Variants in MVB12B observed in about 807,000 individuals in gnomAD.
MVB12B encodes the protein multivesicular body subunit 12B, also known as ESCRT-I complex subunit MVB12B.
Under a neutral mutation model 41.6 loss-of-function variants are expected in MVB12B, and 16 were observed. That is an observed-to-expected ratio of 0.38 (90% CI 0.26 to 0.58). The LOEUF (loss-of-function observed/expected upper bound fraction) is 0.58, where lower values mean the gene tolerates loss of function less well. Among genes scored for constraint, MVB12B ranks in the 20% least tolerant of loss-of-function variants. The pLI is 0.62. For missense variants in MVB12B, 274 were observed against 380.2 expected, an observed-to-expected ratio of 0.72 and a Z score of 2.32; for synonymous variants, 133 against 139.7, an observed-to-expected ratio of 0.95 and a Z score of 0.34.
At chr9:126,334,524 C>G (rs375835987) in intron 1 of MVB12B, among the ~76,000 whole-genome samples, 6 of 152,234 alleles carry the variant, frequency 3.9e-5, no homozygotes, top group Non-Finnish European at 8.8e-5. Context: ...ATATTAGTAT[C>G]TTTACTGTAT....
chr9:126,462,204 A>G (rs1244764293), intron 7 of MVB12B, among the ~76,000 whole-genome samples: 1 of 152,250 alleles, frequency 6.6e-6, no homozygotes, highest in African/African-American at 2.4e-5. Flanking sequence ...TTGAACCACA[A>G]TGACATACAC....
At chr9:126,345,738 T>C (rs1829568998) in intron 2 of MVB12B, among the ~76,000 whole-genome samples, 1 of 152,228 alleles carries the variant, frequency 6.6e-6, no homozygotes, top group Non-Finnish European at 1.5e-5. Context: ...CTTTCTCACA[T>C]CCAGAATAAG....
intron 8 of MVB12B, among the ~76,000 whole-genome samples, chr9:126,482,694 G>A (rs916283095): frequency 1.3e-5 from 2 of 152,270 alleles, no homozygotes; most frequent in Non-Finnish European, 2.9e-5. Flanking sequence ...GCAGCACAGA[G>A]AGCACCACAC....
intron 9 of MVB12B, among the ~76,000 whole-genome samples, chr9:126,487,766 C>CA (rs570639548): frequency 0.29 from 31,692 of 108,686 alleles, 3,807 homozygotes; most frequent in African/African-American, 0.32. Flanking sequence ...GACTCCGTCT[C>CA]AAAAAAAAAA....
intron 8 of MVB12B, among the ~76,000 whole-genome samples, chr9:126,482,902 G>C (rs1000192108): frequency 6.6e-6 from 1 of 152,262 alleles, no homozygotes; most frequent in African/African-American, 2.4e-5. Context: ...CACTACGGGG[G>C]CCGCCGCTTT....
intron 9 of MVB12B, among the ~76,000 whole-genome samples, chr9:126,490,457 C>G (rs1213593381): frequency 1.3e-5 from 2 of 152,210 alleles, no homozygotes; most frequent in African/African-American, 4.8e-5. Context: ...GGAGCGACTT[C>G]CAGCCCCATG....
chr9:126,421,673 TC>T (rs147012800), intron 6 of MVB12B, among the ~76,000 whole-genome samples, 180 bp from the exon 7 acceptor site: 2,054 of 152,242 alleles, frequency 0.013, 24 homozygotes, highest in Non-Finnish European at 0.021. Context: ...ACTTCCAAAT[TC>T]CTTGAGAGGA....
chr9:126,356,963 G>A (rs971952829), intron 2 of MVB12B, among the ~76,000 whole-genome samples: 1 of 151,912 alleles, frequency 6.6e-6, no homozygotes, highest in Admixed American at 6.6e-5. Flanking sequence ...TAAACCCCTT[G>A]TCTTTATAAA....
intron 1 of MVB12B, among the ~76,000 whole-genome samples, chr9:126,330,903 G>A (rs1363975239): frequency 2.6e-5 from 4 of 152,030 alleles, no homozygotes; most frequent in Admixed American, 2.6e-4. Context: ...TTAGCATACT[G>A]TCCTCAAGGT....
intron 7 of MVB12B, among the ~76,000 whole-genome samples, chr9:126,438,794 T>C (rs577786785): frequency 6.6e-6 from 1 of 152,348 alleles, no homozygotes; most frequent in South Asian, 2.1e-4. Flanking sequence ...AGTAAATCCA[T>C]AGAAAAATAT....
At chr9:126,365,220 A>T (rs1830138611) in intron 2 of MVB12B, among the ~76,000 whole-genome samples, 1 of 122,624 alleles carries the variant, frequency 8.2e-6, no homozygotes, top group Non-Finnish European at 1.6e-5. Context: ...CACCCAGCTA[A>T]TTTTTTTTTT....
At chr9:126,402,840 C>G (rs1192634354) in intron 6 of MVB12B, among the ~76,000 whole-genome samples, 6 of 152,226 alleles carry the variant, frequency 3.9e-5, no homozygotes, top group African/African-American at 1.4e-4. Flanking sequence ...ACAGAACATA[C>G]ATTTTCATTG....
intron 6 of MVB12B, among the ~76,000 whole-genome samples, chr9:126,403,133 C>G (rs1397144266): frequency 6.6e-6 from 1 of 152,202 alleles, no homozygotes; most frequent in African/African-American, 2.4e-5. Context: ...GATAACTGCA[C>G]TGGGGTTTTC....
rs541713738 is a variant in MVB12B, at chr9:126,366,805, G to A, written c.205-14259G>A. Among the ~76,000 whole-genome samples the A allele has an allele frequency of 2.2e-4, 33 of 152,174 alleles. No individual in the cohort carries two copies. The South Asian group carries it at 4.8e-3, about 22-fold the overall frequency. ...TTGGCGTCTGGCCCTGCCAGGCGCC[G>A]AGCTTCTGACTCCACGCAGCCAGCC... On this transcript the variant is annotated intron_variant, in intron 2 of 9. Coordinates refer to ENST00000361171, the MANE Select transcript of MVB12B (RefSeq NM_033446.3).
At chr9:126,437,953 A>C (rs958400280) in intron 7 of MVB12B, among the ~76,000 whole-genome samples, 2 of 152,236 alleles carry the variant, frequency 1.3e-5, no homozygotes, top group Non-Finnish European at 2.9e-5. Flanking sequence ...ACTATATTAC[A>C]TTGACCAACA....
chr9:126,483,095 C>T (rs1372916372), intron 8 of MVB12B, among the ~76,000 whole-genome samples: 1 of 152,228 alleles, frequency 6.6e-6, no homozygotes. Context: ...ACCATGCGGG[C>T]CCTGGGGTTC....
intron 8 of MVB12B, 36 bp downstream of exon 8, chr9:126,481,460 A>AC (rs747375190): frequency 5.3e-6 from 8 of 1,520,646 alleles, no homozygotes; most frequent in Non-Finnish European, 6.4e-6. Context: ...CCCCTCTGCC[A>AC]CCCCCCAGCC....
chr9:126,472,429 T>C (rs1179789681), intron 7 of MVB12B, among the ~76,000 whole-genome samples: 1 of 149,980 alleles, frequency 6.7e-6, no homozygotes, highest in Non-Finnish European at 1.5e-5. Flanking sequence ...GACTGACTGC[T>C]TCCCCGAGAA....
intron 6 of MVB12B, among the ~76,000 whole-genome samples, chr9:126,412,938 G>A (rs1008564501): frequency 2.2e-4 from 33 of 152,192 alleles, no homozygotes; most frequent in Non-Finnish European, 4.0e-4. Flanking sequence ...TCATCTATTC[G>A]TTCTGTCCTA....
Sources: gnomAD v4.1 joint callset for allele counts (sites outside exome capture counted in the v4.1 genomes callset) on GRCh38, gnomAD v4.1.1 for gene constraint, MANE v1.5 for transcripts, NCBI Gene and HGNC (gene_info 2026-07-23, HGNC 2026-07-21) for gene names.